SOX5: variants seen among roughly 807,000 people sequenced by gnomAD.
SOX5 encodes the protein transcription factor SOX-5.
A neutral mutation model predicts 92.0 loss-of-function variants in SOX5; 9 were observed. The ratio of observed to expected loss-of-function variants is 0.10; its 90% CI spans 0.06 to 0.17. The LOEUF (loss-of-function observed/expected upper bound fraction) is 0.17, where lower values mean the gene tolerates loss of function less well. Among genes scored for constraint, SOX5 ranks in the 10% least tolerant of loss-of-function variants. SOX5 has a pLI of 1.00. For synonymous variants in SOX5, 344 were observed against 336.3 expected, an observed-to-expected ratio of 1.02 and a Z score of -0.25; for missense variants, 642 against 944.5, an observed-to-expected ratio of 0.68 and a Z score of 4.20.
At chr12:24,146,501 A>C (rs754218570) in intron 4 of SOX5, among the ~76,000 whole-genome samples, 2 of 152,116 alleles carry the variant, frequency 1.3e-5, no homozygotes, top group Non-Finnish European at 1.5e-5. Flanking sequence ...GGGAATAACT[A>C]GTACTTTCAA....
chr12:23,816,864 T>C (rs1182641108), intron 3 of SOX5, among the ~76,000 whole-genome samples: 3 of 152,162 alleles, frequency 2.0e-5, no homozygotes, highest in Admixed American at 2.0e-4. Context: ...AAATACCACA[T>C]CACACGCCAC....
intron 8 of SOX5, among the ~76,000 whole-genome samples, chr12:23,608,342 T>C (rs1592531648): frequency 6.6e-6 from 1 of 152,266 alleles, no homozygotes; most frequent in Non-Finnish European, 1.5e-5. Flanking sequence ...TCTCTTTCAC[T>C]ACCCTCATAC....
chr12:23,989,707 C>T (rs1357038842), intron 4 of SOX5, among the ~76,000 whole-genome samples: 2 of 152,088 alleles, frequency 1.3e-5, no homozygotes, highest in African/African-American at 4.8e-5. Flanking sequence ...TACACTTGTT[C>T]TCAACAGTGT....
rs372434748 is a variant in SOX5, at chr12:24,286,449, T to C, written c.-173-9137A>G. Among the ~76,000 whole-genome samples the C allele has an allele frequency of 1.1e-3, 169 of 152,330 alleles. 1 individual carries two copies. Among genetic ancestry groups the C allele is most frequent in the Middle Eastern group, 6.8e-3 (2 of 294 alleles). ...GAGCTTGGGAGGGCCAGTCATAAAG[T>C]ACAATCAGATATTTGAAGGGTTGTC... On this transcript the variant is annotated intron_variant, in intron 2 of 4. Transcript: ENST00000446891.
At chr12:24,297,577 T>C (rs1288286583) in intron 2 of SOX5, among the ~76,000 whole-genome samples, 1 of 152,240 alleles carries the variant, frequency 6.6e-6, no homozygotes, top group Non-Finnish European at 1.5e-5. Flanking sequence ...AGATCCTCCA[T>C]AGCTGGCAAA....
At chr12:24,315,765 A>G (rs1949638270) in intron 2 of SOX5, among the ~76,000 whole-genome samples, 1 of 152,264 alleles carries the variant, frequency 6.6e-6, no homozygotes, top group Non-Finnish European at 1.5e-5. Flanking sequence ...AAGGGAAAGT[A>G]GTTCAGATAA....
chr12:23,954,917 C>T (rs1203483896), upstream of SOX5, among the ~76,000 whole-genome samples: 1 of 151,992 alleles, frequency 6.6e-6, no homozygotes, highest in Non-Finnish European at 1.5e-5. Context: ...ACTTCTTATT[C>T]AGAATAACTT....
At chr12:24,342,754 C>A (rs1952728031) in intron 2 of SOX5, among the ~76,000 whole-genome samples, 1 of 152,276 alleles carries the variant, frequency 6.6e-6, no homozygotes, top group Admixed American at 6.5e-5. Context: ...CACAATGCAA[C>A]CAGAGTGATC....
chr12:23,846,906 T>C (rs1369953099), intron 2 of SOX5, among the ~76,000 whole-genome samples: 2 of 152,154 alleles, frequency 1.3e-5, no homozygotes, highest in African/African-American at 4.8e-5. Flanking sequence ...CCCTATAAAA[T>C]AAGGTTTGTT....
chr12:23,583,149 C>T (rs1444430048), intron 9 of SOX5, among the ~76,000 whole-genome samples: 3 of 152,008 alleles, frequency 2.0e-5, no homozygotes, highest in Non-Finnish European at 4.4e-5. Flanking sequence ...CACACCATTC[C>T]TTTTTACATT....
Position 23,893,305 on chromosome 12 carries a change from G to A in SOX5, c.270+2488C>T, listed in dbSNP as rs1409435005. 2.0e-5 allele frequency among the ~76,000 whole-genome samples: 3 copies of A among 152,204 alleles called. No homozygotes were observed. In the East Asian group the frequency reaches 5.8e-4, roughly 29 times the overall value. On this transcript the variant is annotated intron_variant, in intron 2 of 14. Transcript: ENST00000451604. ...TATTAAAAATATAAAAATTAGCTGGGCTTGGTGGCGGGGGCCTGTAATCCC... is the reference window on the plus strand; with the variant it reads ...TATTAAAAATATAAAAATTAGCTGGACTTGGTGGCGGGGGCCTGTAATCCC...
intron 2 of SOX5, among the ~76,000 whole-genome samples, chr12:24,288,136 G>A (rs1189092807): frequency 2.0e-5 from 3 of 152,108 alleles, no homozygotes; most frequent in East Asian, 1.9e-4. Context: ...ATGTCCCTGG[G>A]GGACATTTGG....
chr12:24,188,698 A>G (rs12300352), intron 4 of SOX5, among the ~76,000 whole-genome samples: 5,839 of 152,262 alleles, frequency 0.038, 114 homozygotes, highest in South Asian at 0.066. Context: ...CATCAGACTT[A>G]TAAGTTTAGA....
intron 8 of SOX5, among the ~76,000 whole-genome samples, chr12:23,611,558 C>T (rs1001425439): frequency 4.6e-5 from 7 of 151,940 alleles, no homozygotes; most frequent in South Asian, 2.1e-4. Flanking sequence ...TGCCCAGAAG[C>T]GGGATTGCTG....
At chr12:24,336,910 T>C (rs1376434333) in intron 2 of SOX5, among the ~76,000 whole-genome samples, 1 of 152,200 alleles carries the variant, frequency 6.6e-6, no homozygotes, top group Non-Finnish European at 1.5e-5. Flanking sequence ...TCTTTGGGCA[T>C]TTTCTGAGCA....
At chr12:24,279,511 T>A (rs945045915) in intron 2 of SOX5, among the ~76,000 whole-genome samples, 4 of 152,152 alleles carry the variant, frequency 2.6e-5, no homozygotes, top group Non-Finnish European at 5.9e-5. Flanking sequence ...ATTACTAAGA[T>A]CGCTGATATC....
chr12:24,139,379 C>A (rs1228153951), intron 4 of SOX5, among the ~76,000 whole-genome samples: 3 of 152,100 alleles, frequency 2.0e-5, no homozygotes, highest in African/African-American at 7.2e-5. Context: ...ACAAGAAGCC[C>A]ATTACTGTCT....
intron 3 of SOX5, among the ~76,000 whole-genome samples, chr12:24,221,452 G>A (rs1960409926): frequency 6.6e-6 from 1 of 152,200 alleles, no homozygotes; most frequent in Non-Finnish European, 1.5e-5. Context: ...ATGTATTCAT[G>A]AGAACATGTG....
At chr12:23,968,415 G>GTC (rs1285933465) in intron 4 of SOX5, among the ~76,000 whole-genome samples, 30 of 152,204 alleles carry the variant, frequency 2.0e-4, no homozygotes, top group African/African-American at 7.2e-4. Context: ...TCTCCAATGT[G>GTC]ATGGTCTGGA....
Sources: gnomAD v4.1 joint callset for allele counts (sites outside exome capture counted in the v4.1 genomes callset) on GRCh38, gnomAD v4.1.1 for gene constraint, MANE v1.5 for transcripts, NCBI Gene and HGNC (gene_info 2026-07-23, HGNC 2026-07-21) for gene names.